The following MYO1D variants were observed in gnomAD, a reference collection of about 807,000 sequenced individuals.
The protein encoded by MYO1D is myosin ID.
MYO1D carries 83 observed loss-of-function variants against 122.0 expected under a neutral mutation model. The ratio of observed to expected loss-of-function variants is 0.68; its 90% CI spans 0.57 to 0.82. The LOEUF is 0.82. Ranked by LOEUF, MYO1D falls within the 40% of genes least tolerant of loss-of-function variation. MYO1D has a pLI of 0.00. For missense variants in MYO1D, 1,157 were observed against 1,269.5 expected (o/e 0.91, Z 1.35); for synonymous variants, 464 against 446.9 (o/e 1.04, Z -0.48).
intron 1 of MYO1D, among the ~76,000 whole-genome samples, chr17:32,792,219 C>T (rs1337365750): frequency 6.6e-6 from 1 of 152,086 alleles, no homozygotes; most frequent in Admixed American, 6.5e-5. Context: ...ATTATTAGTT[C>T]AAAGGATATA....
chr17:32,728,547 C>T (rs944341982), intron 14 of MYO1D, among the ~76,000 whole-genome samples: 3 of 152,128 alleles, frequency 2.0e-5, no homozygotes, highest in African/African-American at 7.2e-5. Flanking sequence ...ATACATAAAG[C>T]AAATTTAGCA....
In MYO1D at chr17:32,688,924, T is replaced by C. The variant is rs898502043; in HGVS notation, c.2121+23064A>G. On this transcript the variant is annotated intron_variant, in intron 16 of 21. Transcript: ENST00000318217. Reference sequence around the variant, plus strand: ...TATGGTCTCTTTGATTTTTGAAGTGTGTGTGTGTGTGTGTGTGTGTGTGTA... The same window carrying C: ...TATGGTCTCTTTGATTTTTGAAGTGCGTGTGTGTGTGTGTGTGTGTGTGTA... Among the ~76,000 whole-genome samples, 4 of 134,880 alleles carry C rather than the reference T, an allele frequency of 3.0e-5. No homozygotes were observed. In the South Asian group the frequency reaches 8.6e-4, roughly 29 times the overall value. 88.5% of individuals were successfully genotyped at this position (134,880 alleles called of 152,430 possible).
chr17:32,728,626 G>A (rs1002334368), intron 14 of MYO1D, among the ~76,000 whole-genome samples: 1 of 152,034 alleles, frequency 6.6e-6, no homozygotes, highest in East Asian at 1.9e-4. Flanking sequence ...GAAATCAAGA[G>A]CAAAAAGATA....
chr17:32,572,804 T>A (rs952186035), intron 21 of MYO1D, among the ~76,000 whole-genome samples: 1 of 152,014 alleles, frequency 6.6e-6, no homozygotes. Flanking sequence ...TGGTGACATC[T>A]CAGATCTTCT....
chr17:32,860,828 C>T (rs1161322477), intron 1 of MYO1D, among the ~76,000 whole-genome samples: 1 of 152,176 alleles, frequency 6.6e-6, no homozygotes, highest in Non-Finnish European at 1.5e-5. Flanking sequence ...TCAAGATTCC[C>T]TTCCGGCATT....
intron 21 of MYO1D, among the ~76,000 whole-genome samples, chr17:32,528,318 G>A (rs1478272323): frequency 6.6e-6 from 1 of 152,208 alleles, no homozygotes; most frequent in Non-Finnish European, 1.5e-5. Flanking sequence ...AGGAATTACT[G>A]CTTTGCAGGT....
At chr17:32,625,385 A>T (rs1209526398) in intron 20 of MYO1D, among the ~76,000 whole-genome samples, 4 of 152,196 alleles carry the variant, frequency 2.6e-5, no homozygotes, top group Non-Finnish European at 2.9e-5. Context: ...GCACTGAAAC[A>T]TTGCGCTAGT....
At chr17:32,838,030 T>A (rs2090844497) in intron 1 of MYO1D, among the ~76,000 whole-genome samples, 1 of 152,182 alleles carries the variant, frequency 6.6e-6, no homozygotes, top group Non-Finnish European at 1.5e-5. Flanking sequence ...GATGTAATGT[T>A]CTTTGTGCTT....
chr17:32,551,316 T>C (rs1463378923), intron 21 of MYO1D, among the ~76,000 whole-genome samples: 1 of 152,176 alleles, frequency 6.6e-6, no homozygotes, highest in African/African-American at 2.4e-5. Flanking sequence ...TTATGCAGAA[T>C]ATATTAAGAA....
At chr17:32,782,826 T>C (rs1391303543) in intron 1 of MYO1D, among the ~76,000 whole-genome samples, 1 of 151,866 alleles carries the variant, frequency 6.6e-6, no homozygotes, top group Middle Eastern at 3.2e-3. Context: ...TCCTAGCTAC[T>C]TGGGAGGCTG....
intron 20 of MYO1D, among the ~76,000 whole-genome samples, chr17:32,624,527 T>C (rs2087900284): frequency 6.6e-6 from 1 of 152,174 alleles, no homozygotes; most frequent in Non-Finnish European, 1.5e-5. Flanking sequence ...ACATTTTTTA[T>C]TTGGCTTTAA....
At chr17:32,789,156 C>A (rs537136390) in intron 1 of MYO1D, among the ~76,000 whole-genome samples, 1 of 152,118 alleles carries the variant, frequency 6.6e-6, no homozygotes, top group Admixed American at 6.5e-5. Flanking sequence ...GATCTAGGAG[C>A]TTTTTTGATA....
At chr17:32,769,217 T>C (rs1309271674) in intron 6 of MYO1D, among the ~76,000 whole-genome samples, 2 of 151,700 alleles carry the variant, frequency 1.3e-5, no homozygotes, top group Non-Finnish European at 2.9e-5. Context: ...ACATATGCCA[T>C]GAACATCTCC....
rs961051390 is a variant in MYO1D at position 32,805,200 on chromosome 17, T to A, written c.96-24416A>T. On this transcript the variant is annotated intron_variant, in intron 1 of 21. Transcript: ENST00000318217. Reference sequence around the variant, plus strand: ...CAACAGACACCAAATCTGCTATCAATATCTTGATCTTGGACTTTCCAAATT... The same window carrying A: ...CAACAGACACCAAATCTGCTATCAAAATCTTGATCTTGGACTTTCCAAATT... Among the ~76,000 whole-genome samples the A allele has an allele frequency of 4.6e-5, 7 of 152,190 alleles. No homozygotes were observed. The East Asian group carries it at 7.7e-4, about 17-fold the overall frequency.
intron 16 of MYO1D, among the ~76,000 whole-genome samples, chr17:32,687,446 C>T (rs2089034169): frequency 6.6e-6 from 1 of 152,302 alleles, no homozygotes; most frequent in East Asian, 1.9e-4. Flanking sequence ...ATCCACCCGC[C>T]TTGGCCTCCC....
intron 21 of MYO1D, among the ~76,000 whole-genome samples, chr17:32,604,533 T>C (rs111377002): frequency 0.037 from 5,574 of 152,282 alleles, 348 homozygotes; most frequent in African/African-American, 0.13. Context: ...GCTCTCTGTT[T>C]ATATTTATTA....
At chr17:32,867,323 C>CAA (rs754118023) in intron 1 of MYO1D, among the ~76,000 whole-genome samples, 20 of 74,356 alleles carry the variant, frequency 2.7e-4, no homozygotes, top group Admixed American at 1.2e-3. Flanking sequence ...GAGACTGTCT[C>CAA]AAAAAAAAAA....
intron 21 of MYO1D, among the ~76,000 whole-genome samples, chr17:32,600,318 A>G (rs752016707): frequency 2.6e-5 from 4 of 152,160 alleles, no homozygotes; most frequent in African/African-American, 4.8e-5. Flanking sequence ...CTTCAACTTA[A>G]AGACACTAGC....
intron 21 of MYO1D, among the ~76,000 whole-genome samples, chr17:32,563,204 CTCTTTTTTTT>C (rs1248950704): frequency 4.8e-5 from 5 of 105,134 alleles, no homozygotes; most frequent in African/African-American, 2.1e-4. Context: ...TTTTTCTTCT[CTCTTTTTTTT>C]TTTTTTTTTT....
Sources: allele counts gnomAD v4.1 joint callset (sites outside exome capture counted in the v4.1 genomes callset), GRCh38; gene constraint gnomAD v4.1.1; transcripts MANE v1.5; gene names NCBI Gene and HGNC (gene_info 2026-07-23, HGNC 2026-07-21).